Variants in DNAH14 observed in about 807,000 individuals in gnomAD.
DNAH14 encodes the protein axonemal beta dynein heavy chain 14.
In DNAH14, 478 loss-of-function variants were observed where a neutral mutation model predicts 520.9. That is an observed-to-expected ratio of 0.92 (90% CI 0.85 to 0.99). DNAH14 has a LOEUF of 0.99. Ranked by LOEUF, DNAH14 falls within the 50% of genes least tolerant of loss-of-function variation. The pLI is 0.00. For synonymous variants in DNAH14, 1,581 were observed against 1,757.2 expected (o/e 0.90, Z 2.51); for missense variants, 4,831 against 5,234.5 (o/e 0.92, Z 2.38).
chr1:225,327,778 C>T (rs529080455), intron 64 of DNAH14, among the ~76,000 whole-genome samples: 9 of 151,274 alleles, frequency 5.9e-5, no homozygotes, highest in African/African-American at 1.9e-4. Context: ...ATCAATGAAA[C>T]CAAAAGTTGG....
At chr1:225,012,809 G>A (rs2449280) in intron 10 of DNAH14, among the ~76,000 whole-genome samples, 129,234 of 152,186 alleles carry the variant, frequency 0.85, 56,333 homozygotes, top group Non-Finnish European at 0.96. Context: ...TTTCAGCTCC[G>A]TCAGGTCATT....
intron 80 of DNAH14, among the ~76,000 whole-genome samples, chr1:225,381,014 TA>T (rs896692488): frequency 6.6e-6 from 1 of 152,042 alleles, no homozygotes; most frequent in Non-Finnish European, 1.5e-5. Context: ...TTTTAATGGT[TA>T]AAAAAAATCA....
chr1:225,380,345 T>C, intron 80 of DNAH14, 23 bp downstream of exon 80: 3 of 1,541,710 alleles, frequency 1.9e-6, no homozygotes, highest in Non-Finnish European at 2.6e-6. Flanking sequence ...CAGGAGCTTT[T>C]TCCCCTTACC....
intron 27 of DNAH14, among the ~76,000 whole-genome samples, chr1:225,131,939 A>G (rs1366979288): frequency 6.6e-6 from 1 of 152,158 alleles, no homozygotes; most frequent in African/African-American, 2.4e-5. Context: ...AAAGGACTGA[A>G]AAAGAGTGGC....
intron 8 of DNAH14, among the ~76,000 whole-genome samples, chr1:224,980,670 G>C (rs1387007245): frequency 6.6e-6 from 1 of 152,190 alleles, no homozygotes; most frequent in African/African-American, 2.4e-5. Context: ...ACAAGGCTTT[G>C]GTGAGACTCA....
intron 35 of DNAH14, among the ~76,000 whole-genome samples, chr1:225,160,854 T>A (rs1209122001): frequency 6.6e-6 from 1 of 152,170 alleles, no homozygotes; most frequent in African/African-American, 2.4e-5. Flanking sequence ...TTTTTCTGTT[T>A]CCAAACTCTT....
chr1:225,201,296 T>C (rs981040277), intron 38 of DNAH14, among the ~76,000 whole-genome samples: 2 of 152,160 alleles, frequency 1.3e-5, no homozygotes, highest in Non-Finnish European at 2.9e-5. Context: ...TTCCTTAAAT[T>C]GGGCTTCACC....
At chr1:225,359,967 C>G (rs1372422751) in intron 74 of DNAH14, among the ~76,000 whole-genome samples, 2 of 152,238 alleles carry the variant, frequency 1.3e-5, no homozygotes, top group African/African-American at 4.8e-5. Flanking sequence ...TTAAGCCCCA[C>G]ATGCGTTAGC....
intron 51 of DNAH14, 32 bp from the exon 52 acceptor site, chr1:225,272,923 T>TA (rs780011705): frequency 4.2e-5 from 63 of 1,495,336 alleles, no homozygotes; most frequent in Admixed American, 4.0e-4. Context: ...CTAATTTTTT[T>TA]TAAAAAAACG....
At chr1:225,129,906 T>C (rs543011220) in intron 27 of DNAH14, among the ~76,000 whole-genome samples, 2 of 152,134 alleles carry the variant, frequency 1.3e-5, no homozygotes, top group Non-Finnish European at 2.9e-5. Context: ...AGAAAATTTT[T>C]GCAACCTACT....
At chr1:225,012,345 G>T (rs1364711167) in intron 10 of DNAH14, among the ~76,000 whole-genome samples, 1 of 152,022 alleles carries the variant, frequency 6.6e-6, no homozygotes, top group Non-Finnish European at 1.5e-5. Context: ...GCTTCCCTTT[G>T]CAGGTAACTC....
rs2095160722 is a variant in DNAH14 at position 225,340,702 on chromosome 1, G to C, written c.10678+1G>C. The C allele has an allele frequency of 6.4e-7, 1 of 1,550,558 alleles. No individual in the cohort carries two copies. The highest frequency in any genetic ancestry group is 2.4e-5 in the East Asian group (1 of 40,826). On this transcript the variant is annotated splice_donor_variant, in intron 69 of 85. Coordinates refer to ENST00000682510, the MANE Select transcript of DNAH14 (RefSeq NM_001367479.1). LOFTEE classifies it high-confidence loss of function. ...TTAAATTTACTGCAGAAAGCACTAG[G>C]TAAGTCAAGATATTTAGTGATAGTA... is the stretch of plus-strand genomic sequence containing the variant.
intron 20 of DNAH14, among the ~76,000 whole-genome samples, chr1:225,083,939 T>C (rs2148603860): frequency 6.6e-6 from 1 of 152,260 alleles, no homozygotes; most frequent in East Asian, 1.9e-4. Context: ...GGTGAGAATT[T>C]TGCAGACTAA....
At position 225,140,845 on chromosome 1, in the gene DNAH14, C is replaced by T. The variant is rs938490575; in HGVS notation, c.4332C>T (p.His1444=). The T allele has an allele frequency of 7.1e-6, 11 of 1,551,088 alleles. No homozygotes were observed. In the South Asian group the frequency reaches 7.1e-5, roughly 10 times the overall value. The stretch of plus-strand genomic sequence containing the variant: ...CAAGAGAAAAATTGGAAAAAGTCCA[C>T]GCTGGTCTGATGTGTCATCTAGAAG... ...SYSREKLEKV[H]AGLMCHLEEV... is the part of the protein sequence containing the mutation. Residue 1444 remains histidine (H), a synonymous_variant, in exon 28 of 86, where the codon CAC becomes CAT. Transcript: ENST00000682510.
intron 9 of DNAH14, among the ~76,000 whole-genome samples, chr1:225,003,218 C>G (rs905250671): frequency 6.6e-6 from 1 of 151,908 alleles, no homozygotes; most frequent in African/African-American, 2.4e-5. Flanking sequence ...ATCTCTTATA[C>G]ATAATTGATA....
chr1:225,223,621 C>T (rs576699946), intron 41 of DNAH14, among the ~76,000 whole-genome samples: 5 of 152,302 alleles, frequency 3.3e-5, no homozygotes, highest in Non-Finnish European at 7.3e-5. Flanking sequence ...TTAACAGGGC[C>T]TCCCTTCCCC....
intron 35 of DNAH14, among the ~76,000 whole-genome samples, 164 bp from the exon 36 acceptor site, chr1:225,167,775 T>C (rs1446717780): frequency 6.6e-6 from 1 of 152,204 alleles, no homozygotes; most frequent in African/African-American, 2.4e-5. Context: ...ACAGTAGTAA[T>C]AGTTTTTACT....
intron 27 of DNAH14, among the ~76,000 whole-genome samples, chr1:225,128,596 G>A (rs535983184): frequency 1.3e-5 from 2 of 151,396 alleles, no homozygotes; most frequent in Non-Finnish European, 2.9e-5. Flanking sequence ...TGCAGAAAAG[G>A]CCTTTGACAA....
intron 37 of DNAH14, among the ~76,000 whole-genome samples, chr1:225,190,375 C>G (rs1028155843): frequency 6.6e-6 from 1 of 151,910 alleles, no homozygotes; most frequent in African/African-American, 2.4e-5. Flanking sequence ...GACTGATTAG[C>G]AGGTAGATTT....
Sources: gnomAD v4.1 joint callset for allele counts (sites outside exome capture counted in the v4.1 genomes callset) on GRCh38, gnomAD v4.1.1 for gene constraint, MANE v1.5 for transcripts, NCBI Gene and HGNC (gene_info 2026-07-23, HGNC 2026-07-21) for gene names.